The following CDH3 variants were observed in gnomAD, a reference collection of about 807,000 sequenced individuals.
The protein encoded by CDH3 is cadherin-3.
In CDH3, 54 loss-of-function variants were observed where a neutral mutation model predicts 82.0. The ratio of observed to expected loss-of-function variants is 0.66; its 90% CI spans 0.53 to 0.83. CDH3 has a LOEUF of 0.83. Among genes scored for constraint, CDH3 ranks in the 40% least tolerant of loss-of-function variants. CDH3 has a pLI of 0.00. For synonymous variants in CDH3, 446 were observed against 437.9 expected (o/e 1.02, Z -0.23); for missense variants, 1,054 against 1,084.6 (o/e 0.97, Z 0.40).
At chr16:68,686,687 A>G in intron 11 of CDH3, 1 of 772,204 alleles carries the variant, frequency 1.3e-6, no homozygotes, top group South Asian at 1.3e-5. Flanking sequence ...CGTAGACTGA[A>G]ATAAGTCACT....
intron 13 of CDH3, among the ~76,000 whole-genome samples, chr16:68,694,660 G>A (rs914772299): frequency 4.6e-5 from 7 of 151,630 alleles, no homozygotes; most frequent in African/African-American, 9.7e-5. Flanking sequence ...TGCATTCCAC[G>A]TAAGTTTAGA....
At position 68,681,118 on chromosome 16, in the gene CDH3, G is replaced by A. The variant is rs200909834; in HGVS notation, c.996+22G>A. The A allele has an allele frequency of 7.4e-6, 12 of 1,613,482 alleles. No homozygotes were observed. The East Asian group carries it at 2.7e-4, about 36-fold the overall frequency. On this transcript the variant is annotated intron_variant, in intron 8 of 15. Transcript: ENST00000264012. ...GAAGGTAATGCCCCTTCCTCACTCA[G>A]TCCCTCATCAGATAATGAAGGACCA...
downstream of CDH3, among the ~76,000 whole-genome samples, chr16:68,703,424 G>C (rs900588972): frequency 2.0e-5 from 3 of 152,208 alleles, no homozygotes; most frequent in African/African-American, 7.2e-5. Context: ...GAAAGTGTGG[G>C]AGCAGTCACC....
At chr16:68,674,335 G>A (rs1854018991) in intron 2 of CDH3, among the ~76,000 whole-genome samples, 1 of 152,102 alleles carries the variant, frequency 6.6e-6, no homozygotes, top group African/African-American at 2.4e-5. Flanking sequence ...TATCTTCTCT[G>A]GAGAAAGGTT....
In CDH3 at chr16:68,695,774, C is replaced by T. The variant is rs1448965179; in HGVS notation, c.2134-3C>T. 22 of 1,613,992 alleles carry T rather than the reference C, an allele frequency of 1.4e-5. No individual in the cohort carries two copies. The highest frequency in any genetic ancestry group is 1.7e-5 in the Non-Finnish European group (20 of 1,180,026). On this transcript the variant is annotated splice_polypyrimidine_tract_variant and splice_region_variant and intron_variant, in intron 14 of 15. Coordinates refer to ENST00000264012, the MANE Select transcript of CDH3 (RefSeq NM_001793.6). ...TCACCTGCTCTCCTGCATTTCCCCA[C>T]AGGACTATGACATCACCCAGCTCCA...
At position 68,684,573 on chromosome 16, in the gene CDH3, T is replaced by G; in HGVS notation, c.1183-10T>G. On this transcript the variant is annotated splice_polypyrimidine_tract_variant and intron_variant, in intron 9 of 15. Transcript: ENST00000264012. ...TGGTGGTCCAGGTCCTTCTTCCTCT[T>G]CTCTCCTAGGGTTTGGATTTTGAGG... is the stretch of plus-strand genomic sequence containing the variant. The G allele has an allele frequency of 6.2e-7, 1 of 1,614,092 alleles. No homozygotes were observed. The highest frequency in any genetic ancestry group is 8.5e-7 in the Non-Finnish European group (1 of 1,180,004).
chr16:68,659,980 T>G (rs1475500552), intron 2 of CDH3, among the ~76,000 whole-genome samples: 1 of 152,230 alleles, frequency 6.6e-6, no homozygotes, highest in Non-Finnish European at 1.5e-5. Flanking sequence ...AGCGCCGTAG[T>G]CTTTTACATG....
chr16:68,705,452 G>A (rs542860236), intron 1 of CDH3, among the ~76,000 whole-genome samples: 3 of 151,752 alleles, frequency 2.0e-5, no homozygotes, highest in South Asian at 4.2e-4. Context: ...ATACAGTCTC[G>A]CTCTATCCCC....
chr16:68,685,743 G>A (rs1961393476), intron 11 of CDH3, among the ~76,000 whole-genome samples: 1 of 152,202 alleles, frequency 6.6e-6, no homozygotes, highest in Non-Finnish European at 1.5e-5. Flanking sequence ...GGAGGTGGAG[G>A]CTACAGTGAG....
At chr16:68,677,498 G>A (rs1230150100) in intron 3 of CDH3, among the ~76,000 whole-genome samples, 4 of 152,230 alleles carry the variant, frequency 2.6e-5, no homozygotes, top group Non-Finnish European at 4.4e-5. Context: ...AGCACTTTGG[G>A]AGGCCGAGGC....
chr16:68,693,052 C>T (rs1162998250), intron 13 of CDH3, among the ~76,000 whole-genome samples: 1 of 151,794 alleles, frequency 6.6e-6, no homozygotes, highest in African/African-American at 2.4e-5. Context: ...TGCAGTCAGC[C>T]GAGATCACAC....
chr16:68,668,442 G>A (rs1022733961), intron 2 of CDH3, among the ~76,000 whole-genome samples: 5 of 152,210 alleles, frequency 3.3e-5, no homozygotes. Context: ...ATACAAGCCA[G>A]TGGTGCCAGG....
At chr16:68,672,005 G>A (rs1266032605) in intron 2 of CDH3, among the ~76,000 whole-genome samples, 12 of 152,050 alleles carry the variant, frequency 7.9e-5, no homozygotes, top group African/African-American at 2.9e-4. Flanking sequence ...ATGGCCAAAT[G>A]GTTATTGCAG....
At chr16:68,650,720 G>A (rs937819243) in intron 2 of CDH3, among the ~76,000 whole-genome samples, 1 of 152,100 alleles carries the variant, frequency 6.6e-6, no homozygotes, top group Non-Finnish European at 1.5e-5. Flanking sequence ...TTCCCTCCAC[G>A]CCCAGGTCTC....
In CDH3 at chr16:68,676,465, G is replaced by A; in HGVS notation, c.241G>A (p.Val81Ile). 6.2e-7 allele frequency: 1 copy of A among 1,611,518 alleles called. No homozygotes were observed. The highest frequency in any genetic ancestry group is 8.5e-7 in the Non-Finnish European group (1 of 1,177,586). The stretch of plus-strand genomic sequence containing the variant: ...CTTCACTGTGCGGAATGGCGAGACA[G>A]TCCAGGTAAAATACCATGTCCACCT... Reference protein sequence around the residue: ...DDFTVRNGETVQERRSLKERN... With the variant: ...DDFTVRNGETIQERRSLKERN... Residue 81 changes from valine (V) to isoleucine (I), a missense_variant, in exon 3 of 16, where the codon GTC (valine) becomes ATC (isoleucine). Val to Ile is a conservative substitution (Grantham distance 29). Transcript: ENST00000264012.
At chr16:68,659,928 A>C (rs1419360827) in intron 2 of CDH3, among the ~76,000 whole-genome samples, 2 of 152,142 alleles carry the variant, frequency 1.3e-5, no homozygotes, top group Non-Finnish European at 2.9e-5. Context: ...AATCACAGGC[A>C]TCTTTCCAGA....
At chr16:68,696,040 C>G (rs144358284) in intron 15 of CDH3, 117 bp downstream of exon 15, 1 of 1,074,826 alleles carries the variant, frequency 9.3e-7, no homozygotes, top group Non-Finnish European at 1.4e-6. Flanking sequence ...GACTCCACCA[C>G]CAACCAGCTT....
At chr16:68,725,619 C>T (rs201920549) in intron 2 of CDH3, among the ~76,000 whole-genome samples, 47 of 152,252 alleles carry the variant, frequency 3.1e-4, no homozygotes, top group Non-Finnish European at 5.6e-4. Context: ...AGGCGTGAGC[C>T]ACCGCGCCCG....
intron 15 of CDH3, 30 bp from the exon 16 acceptor site, chr16:68,698,161 C>G (rs750652203): frequency 3.1e-5 from 50 of 1,609,618 alleles, no homozygotes; most frequent in Non-Finnish European, 4.3e-5. Flanking sequence ...GGACCCGCCG[C>G]TCCTAACTAC....
Sources: allele counts gnomAD v4.1 joint callset (sites outside exome capture counted in the v4.1 genomes callset), GRCh38; gene constraint gnomAD v4.1.1; transcripts MANE v1.5; gene names NCBI Gene and HGNC (gene_info 2026-07-23, HGNC 2026-07-21).